DNAJC6: variants seen among roughly 807,000 people sequenced by gnomAD.
The protein encoded by DNAJC6 is DnaJ heat shock protein family (Hsp40) member C6.
Under a neutral mutation model 110.0 loss-of-function variants are expected in DNAJC6, and 34 were observed. That is an observed-to-expected ratio of 0.31 (90% CI 0.24 to 0.41). The LOEUF (loss-of-function observed/expected upper bound fraction) is 0.41. Among genes scored for constraint, DNAJC6 ranks in the 10% least tolerant of loss-of-function variants. The pLI is 1.00. For missense variants in DNAJC6, 1,031 were observed against 1,207.8 expected (o/e 0.85, Z 2.17); for synonymous variants, 406 against 437.2 (o/e 0.93, Z 0.89).
upstream of DNAJC6, among the ~76,000 whole-genome samples, chr1:65,308,657 G>T (rs1245318293): frequency 6.6e-6 from 1 of 152,142 alleles, no homozygotes; most frequent in East Asian, 1.9e-4. Context: ...CCAGAATTGT[G>T]AAAGAAAAAT....
chr1:65,332,585 T>C (rs997290990), intron 1 of DNAJC6, among the ~76,000 whole-genome samples: 4 of 152,228 alleles, frequency 2.6e-5, no homozygotes, highest in African/African-American at 9.6e-5. Context: ...TCAATAATGC[T>C]AGGAGTAAGT....
chr1:65,336,497 G>A (rs1334130533), intron 1 of DNAJC6, among the ~76,000 whole-genome samples: 1 of 152,106 alleles, frequency 6.6e-6, no homozygotes, highest in East Asian at 1.9e-4. Context: ...AAAGTAAAAA[G>A]GGGAAACACA....
In DNAJC6 at chr1:65,405,998, A is replaced by C; in HGVS notation, c.2356A>C (p.Asn786His). 6.2e-7 allele frequency: 1 copy of C among 1,614,210 alleles called. No homozygotes were observed. The highest frequency in any genetic ancestry group is 8.5e-7 in the Non-Finnish European group (1 of 1,180,042). ...CGGGTGGCAGCAGGGAGGTGCCTAC[A>C]ACTGGCAGCAGCCACAGCCTAAGCC... ...GGGWQQGGAY[N>H]WQQPQPKPQP... The change falls in exon 16 of 19, where the codon AAC (asparagine) becomes CAC (histidine). Residue 786 changes from asparagine (N) to histidine (H), a missense_variant. By Grantham distance (68) the Asn-to-His change is moderately conservative. Transcript: ENST00000371069.
chr1:65,273,520 C>T (rs371226118), intron 1 of DNAJC6, among the ~76,000 whole-genome samples: 12 of 151,480 alleles, frequency 7.9e-5, no homozygotes, highest in African/African-American at 1.9e-4. Flanking sequence ...TGCTTGAACC[C>T]GGGAGGCGGA....
chr1:65,271,670 C>A (rs1653509894), intron 1 of DNAJC6, among the ~76,000 whole-genome samples: 2 of 151,790 alleles, frequency 1.3e-5, no homozygotes, highest in Admixed American at 1.3e-4. Context: ...AGTTGGAGAC[C>A]AGCCTGGCCA....
At position 65,389,537 on chromosome 1, in the gene DNAJC6, T is replaced by C. The variant is rs2101607794; in HGVS notation, c.1388-10T>C. 5 of 1,614,180 alleles carry C rather than the reference T, an allele frequency of 3.1e-6. No homozygotes were observed. The highest frequency in any genetic ancestry group is 4.2e-6 in the Non-Finnish European group (5 of 1,180,010). On this transcript the variant is annotated splice_polypyrimidine_tract_variant and intron_variant, in intron 10 of 18. Coordinates refer to ENST00000371069, the MANE Select transcript of DNAJC6 (RefSeq NM_001256864.2). ...TCTCATTGATGCTACATGGTCTTTT[T>C]GTCTTGCAGGACAGGCTCCAATAGA... is the stretch of plus-strand genomic sequence containing the variant.
chr1:65,339,918 T>A (rs1315064195), intron 1 of DNAJC6, among the ~76,000 whole-genome samples: 1 of 152,226 alleles, frequency 6.6e-6, no homozygotes, highest in South Asian at 2.1e-4. Context: ...ATACTTCGAC[T>A]CCTTGTCCAG....
At chr1:65,315,743 A>G (rs931153975) in intron 1 of DNAJC6, among the ~76,000 whole-genome samples, 1 of 152,182 alleles carries the variant, frequency 6.6e-6, no homozygotes, top group Admixed American at 6.5e-5. Flanking sequence ...TGAATAAACT[A>G]AGGCACAGAG....
At chr1:65,267,643 G>T (rs1302066902) in intron 1 of DNAJC6, among the ~76,000 whole-genome samples, 1 of 152,046 alleles carries the variant, frequency 6.6e-6, no homozygotes, top group Non-Finnish European at 1.5e-5. Context: ...TTTTCAAGGA[G>T]TCTGTGAAAT....
chr1:65,400,162 A>G (rs1646017141), intron 14 of DNAJC6, among the ~76,000 whole-genome samples: 1 of 152,210 alleles, frequency 6.6e-6, no homozygotes, highest in Non-Finnish European at 1.5e-5. Flanking sequence ...CCTCGGTGAC[A>G]GAGTGAGAAA....
At chr1:65,387,431 C>G (rs1023620861) in intron 8 of DNAJC6, among the ~76,000 whole-genome samples, 1 of 152,172 alleles carries the variant, frequency 6.6e-6, no homozygotes, top group African/African-American at 2.4e-5. Context: ...AAAAGATACC[C>G]TGTACCTATA....
chr1:65,396,740 G>A (rs1645981317), intron 13 of DNAJC6, among the ~76,000 whole-genome samples: 1 of 151,986 alleles, frequency 6.6e-6, no homozygotes, highest in Non-Finnish European at 1.5e-5. Flanking sequence ...CTCTCTATTA[G>A]AACATGAATT....
chr1:65,351,262 T>C (rs1645487841), intron 1 of DNAJC6, among the ~76,000 whole-genome samples: 1 of 152,212 alleles, frequency 6.6e-6, no homozygotes, highest in Non-Finnish European at 1.5e-5. Flanking sequence ...CTTAGACTGT[T>C]GTTTAATGCC....
chr1:65,393,016 G>A (rs1160865050), intron 12 of DNAJC6, 151 bp downstream of exon 12: 5 of 735,332 alleles, frequency 6.8e-6, no homozygotes, highest in South Asian at 4.1e-5. Flanking sequence ...TAAATTGAGA[G>A]CGTAAGAGAA....
chr1:65,359,843 A>G (rs1389903214), intron 1 of DNAJC6, among the ~76,000 whole-genome samples: 1 of 152,236 alleles, frequency 6.6e-6, no homozygotes, highest in East Asian at 1.9e-4. Flanking sequence ...ATGTAAACAC[A>G]TAAGGGTACT....
intron 1 of DNAJC6, among the ~76,000 whole-genome samples, chr1:65,351,796 G>A (rs1645492040): frequency 1.3e-5 from 2 of 151,842 alleles, no homozygotes; most frequent in Non-Finnish European, 2.9e-5. Context: ...ATGGAGTTTC[G>A]CTCTTGTTGC....
chr1:65,284,269 A>G (rs1035908749), intron 1 of DNAJC6, among the ~76,000 whole-genome samples: 3 of 152,142 alleles, frequency 2.0e-5, no homozygotes, highest in Admixed American at 6.5e-5. Context: ...CAAGAGTGAG[A>G]CTGTTCAGTC....
chr1:65,345,738 TTGGC>T, intron 1 of DNAJC6: 1 of 953,806 alleles, frequency 1.0e-6, no homozygotes, highest in Non-Finnish European at 1.2e-6. Flanking sequence ...GGGTGTACTT[TTGGC>T]CTTTGGGATT....
intron 1 of DNAJC6, chr1:65,298,656 C>T (rs543777947): frequency 6.6e-6 from 1 of 152,178 alleles, no homozygotes; most frequent in East Asian, 1.9e-4. Context: ...AATTTCTTAG[C>T]CCACATATTC....
Sources: gnomAD v4.1 joint callset for allele counts (sites outside exome capture counted in the v4.1 genomes callset) on GRCh38, gnomAD v4.1.1 for gene constraint, MANE v1.5 for transcripts, NCBI Gene and HGNC (gene_info 2026-07-23, HGNC 2026-07-21) for gene names.